Variants in NUBPL observed in about 807,000 individuals in gnomAD.
NUBPL encodes NUBP iron-sulfur cluster assembly factor, mitochondrial.
In NUBPL, 31 loss-of-function variants were observed where a neutral mutation model predicts 45.7. The ratio of observed to expected loss-of-function variants is 0.68; its 90% CI spans 0.51 to 0.92. The LOEUF (loss-of-function observed/expected upper bound fraction) is 0.92. NUBPL is among the 40% of genes least tolerant of loss of function. The pLI is 0.00. For missense variants in NUBPL, 401 were observed against 398.7 expected (o/e 1.01, Z -0.05); for synonymous variants, 144 against 140.9 (o/e 1.02, Z -0.15).
intron 6 of NUBPL, among the ~76,000 whole-genome samples, chr14:31,739,462 G>A (rs550266622): frequency 6.0e-4 from 91 of 151,850 alleles, no homozygotes; most frequent in Non-Finnish European, 1.1e-3. Context: ...AGGTATATGT[G>A]TATATGCATA....
intron 6 of NUBPL, among the ~76,000 whole-genome samples, chr14:31,754,387 A>G (rs551031831): frequency 3.3e-5 from 5 of 152,314 alleles, no homozygotes; most frequent in Admixed American, 1.3e-4. Context: ...AGATCTAACT[A>G]CTAATTTGTA....
chr14:31,729,357 A>G (rs903068519), intron 6 of NUBPL, among the ~76,000 whole-genome samples: 4 of 151,734 alleles, frequency 2.6e-5, no homozygotes, highest in African/African-American at 7.3e-5. Context: ...TATGATGAAC[A>G]AAATGGGTGT....
At chr14:31,686,115 A>G (rs7153885) in intron 6 of NUBPL, among the ~76,000 whole-genome samples, 24,417 of 152,198 alleles carry the variant, frequency 0.16, 5,589 homozygotes, top group African/African-American at 0.51. Flanking sequence ...GGCCTACTGG[A>G]TGCTGAATAT....
chr14:31,727,160 A>AT (rs1467536407), intron 6 of NUBPL, among the ~76,000 whole-genome samples: 1 of 152,202 alleles, frequency 6.6e-6, no homozygotes, highest in Non-Finnish European at 1.5e-5. Context: ...TAAATTATTT[A>AT]TTTTAAGATG....
intron 10 of NUBPL, among the ~76,000 whole-genome samples, chr14:31,855,134 T>C (rs1044282477): frequency 1.4e-4 from 22 of 152,210 alleles, no homozygotes; most frequent in Non-Finnish European, 3.2e-4. Flanking sequence ...GATGGCCTTG[T>C]CTCATCTTGC....
intron 6 of NUBPL, among the ~76,000 whole-genome samples, chr14:31,777,753 G>C (rs950971172): frequency 6.6e-6 from 1 of 152,206 alleles, no homozygotes; most frequent in East Asian, 1.9e-4. Flanking sequence ...ATTCACCTGA[G>C]TGGTAGTATT....
At chr14:31,807,129 A>G (rs979975845) in intron 7 of NUBPL, among the ~76,000 whole-genome samples, 3 of 152,206 alleles carry the variant, frequency 2.0e-5, no homozygotes, top group Non-Finnish European at 2.9e-5. Context: ...TCCTTTGGGT[A>G]TATACCCAGT....
chr14:31,814,134 A>G (rs1030891211), intron 7 of NUBPL, among the ~76,000 whole-genome samples: 2 of 152,260 alleles, frequency 1.3e-5, no homozygotes, highest in African/African-American at 4.8e-5. Flanking sequence ...GGTTGAACTA[A>G]TTTACACTCC....
At chr14:31,776,429 A>T (rs1439335035) in intron 6 of NUBPL, among the ~76,000 whole-genome samples, 1 of 152,196 alleles carries the variant, frequency 6.6e-6, no homozygotes, top group African/African-American at 2.4e-5. Flanking sequence ...AGATTTTTAC[A>T]CTGAGAAAGG....
chr14:31,793,540 G>A (rs889194733), intron 7 of NUBPL, among the ~76,000 whole-genome samples: 2 of 152,114 alleles, frequency 1.3e-5, no homozygotes, highest in Non-Finnish European at 2.9e-5. Flanking sequence ...TGGAGGGCTA[G>A]GCTGTTTTTC....
At chr14:31,730,232 G>A (rs376143483) in intron 6 of NUBPL, among the ~76,000 whole-genome samples, 19 of 152,290 alleles carry the variant, frequency 1.2e-4, no homozygotes, top group African/African-American at 4.6e-4. Context: ...TTTTAAGGAT[G>A]TTTGTTGATC....
chr14:31,599,316 G>T lies in NUBPL; in HGVS notation c.319G>T (p.Asp107Tyr), dbSNP rs2034363154. 1 of 1,612,644 alleles carries T rather than the reference G, an allele frequency of 6.2e-7. No individual in the cohort carries two copies. ...CAAGGCCATTGGTTTGCTAGATGTG[G>T]ATGTGTATGGACCTTCAGTTCCAAA... ...SSKAIGLLDVDVYGPSVPKMM... is the reference protein window; with the variant it reads ...SSKAIGLLDVYVYGPSVPKMM... The change falls in exon 4 of 11, where the codon GAT becomes TAT. Residue 107 changes from aspartate (D) to tyrosine (Y), a missense_variant. Physicochemically the swap from Asp to Tyr is radical, Grantham distance 160. Transcript: ENST00000281081.
intron 7 of NUBPL, among the ~76,000 whole-genome samples, chr14:31,805,754 G>A (rs1340855347): frequency 1.3e-5 from 2 of 152,060 alleles, no homozygotes; most frequent in Non-Finnish European, 2.9e-5. Flanking sequence ...GCCTCTCAGA[G>A]GGTGAAGGGT....
At chr14:31,724,186 A>G (rs566536557) in intron 6 of NUBPL, among the ~76,000 whole-genome samples, 4 of 152,306 alleles carry the variant, frequency 2.6e-5, no homozygotes, top group East Asian at 3.9e-4. Context: ...GTTCATGGCT[A>G]GTGTATGTCT....
chr14:31,836,982 A>G (rs546486212), intron 8 of NUBPL, among the ~76,000 whole-genome samples: 55 of 152,368 alleles, frequency 3.6e-4, no homozygotes, highest in Non-Finnish European at 4.7e-4. Flanking sequence ...TGTAATTTCA[A>G]TTAAAAGCAC....
chr14:31,603,299 GAAA>G (rs529470069), intron 4 of NUBPL, among the ~76,000 whole-genome samples: 1 of 57,084 alleles, frequency 1.8e-5, no homozygotes, highest in Non-Finnish European at 3.6e-5. Flanking sequence ...GATCCTGTCT[GAAA>G]AAAAAAAAAA....
intron 4 of NUBPL, among the ~76,000 whole-genome samples, chr14:31,633,098 T>C (rs955826915): frequency 6.6e-6 from 1 of 152,162 alleles, no homozygotes; most frequent in Non-Finnish European, 1.5e-5. Flanking sequence ...AGCAACAAAT[T>C]TGGAGCATCC....
intron 4 of NUBPL, among the ~76,000 whole-genome samples, chr14:31,635,573 G>T (rs906423738): frequency 9.1e-4 from 138 of 151,968 alleles, no homozygotes; most frequent in Middle Eastern, 3.4e-3. Flanking sequence ...GGCGATGTGG[G>T]CTCTTTTTTG....
At chr14:31,833,791 G>C (rs978283440) in intron 8 of NUBPL, among the ~76,000 whole-genome samples, 3 of 152,278 alleles carry the variant, frequency 2.0e-5, no homozygotes, top group African/African-American at 4.8e-5. Context: ...ACCTACATTG[G>C]AGATTTTTAT....
Sources: allele counts gnomAD v4.1 joint callset (sites outside exome capture counted in the v4.1 genomes callset), GRCh38; gene constraint gnomAD v4.1.1; transcripts MANE v1.5; gene names NCBI Gene and HGNC (gene_info 2026-07-23, HGNC 2026-07-21).